The following LYPLAL1 variants were observed in gnomAD, a reference collection of about 807,000 sequenced individuals.
LYPLAL1 encodes the protein lysophospholipase like 1, also known as lysophospholipase-like protein 1.
In LYPLAL1, 23 loss-of-function variants were observed where a neutral mutation model predicts 19.7. That is an observed-to-expected ratio of 1.17 (90% CI 0.84 to 1.65). The LOEUF (loss-of-function observed/expected upper bound fraction) is 1.65, where lower values mean the gene tolerates loss of function less well. LYPLAL1 is among the 40% of genes most tolerant of loss of function. The pLI is 0.00. For synonymous variants in LYPLAL1, 119 were observed against 96.3 expected (o/e 1.24, Z -1.38); for missense variants, 355 against 279.4 (o/e 1.27, Z -1.93).
At chr1:219,342,654 A>T in the LYPLAL1 span, among the ~76,000 whole-genome samples, 1 of 152,290 alleles carries the variant, frequency 6.6e-6, no homozygotes, top group South Asian at 2.1e-4. Context: ...TGCTTTAAAA[A>T]AATTCCTCTT....
At chr1:219,353,020 A>G in the LYPLAL1 span, among the ~76,000 whole-genome samples, 1 of 152,258 alleles carries the variant, frequency 6.6e-6, no homozygotes, top group South Asian at 2.1e-4. Flanking sequence ...TCCTGCTGCA[A>G]GCAGCTACAA....
At chr1:219,347,928 A>G in the LYPLAL1 span, among the ~76,000 whole-genome samples, 1 of 152,156 alleles carries the variant, frequency 6.6e-6, no homozygotes, top group Non-Finnish European at 1.5e-5. Context: ...AGCTTAAAAT[A>G]TGTTCCTTGG....
the LYPLAL1 span, among the ~76,000 whole-genome samples, chr1:219,387,023 T>C: frequency 2.0e-5 from 3 of 152,210 alleles, no homozygotes; most frequent in African/African-American, 7.2e-5. Flanking sequence ...CTGCTTTAAA[T>C]CTTTGATGAC....
chr1:219,419,445 C>G, the LYPLAL1 span, among the ~76,000 whole-genome samples: 2 of 151,874 alleles, frequency 1.3e-5, no homozygotes, highest in Non-Finnish European at 2.9e-5. Context: ...CCTCCTCTTC[C>G]TGATTATTGA....
the LYPLAL1 span, among the ~76,000 whole-genome samples, chr1:219,241,471 G>A: frequency 6.6e-6 from 1 of 151,870 alleles, no homozygotes; most frequent in African/African-American, 2.4e-5. Flanking sequence ...CTAGAATTTG[G>A]GCATGAGCTT....
chr1:219,426,311 G>A, the LYPLAL1 span, among the ~76,000 whole-genome samples: 1 of 152,100 alleles, frequency 6.6e-6, no homozygotes, highest in Non-Finnish European at 1.5e-5. Flanking sequence ...TTTTTTTAAT[G>A]TTCTTCTCAC....
chr1:219,204,174 A>G (rs1033157685), intron 3 of LYPLAL1, among the ~76,000 whole-genome samples: 2 of 152,200 alleles, frequency 1.3e-5, no homozygotes, highest in African/African-American at 2.4e-5. Context: ...TTGTATATTT[A>G]TGTTTCATAT....
the LYPLAL1 span, chr1:219,222,347 C>T: frequency 1.3e-5 from 2 of 152,096 alleles, no homozygotes; most frequent in Non-Finnish European, 2.9e-5. Flanking sequence ...TTTGTAAACT[C>T]AATCTAAAAA....
downstream of LYPLAL1, among the ~76,000 whole-genome samples, chr1:219,213,508 A>C (rs886680493): frequency 3.3e-5 from 5 of 151,648 alleles, no homozygotes; most frequent in African/African-American, 1.2e-4. Context: ...CAATTTGGGG[A>C]GAATTTGCAT....
chr1:219,333,153 C>T, the LYPLAL1 span, among the ~76,000 whole-genome samples: 3 of 152,100 alleles, frequency 2.0e-5, no homozygotes, highest in Non-Finnish European at 2.9e-5. Flanking sequence ...TGGGACCCTT[C>T]GTATAATCCA....
chr1:219,360,640 C>T, the LYPLAL1 span, among the ~76,000 whole-genome samples: 7 of 152,052 alleles, frequency 4.6e-5, no homozygotes, highest in Non-Finnish European at 8.8e-5. Flanking sequence ...TGTGTTTGCA[C>T]ATATGCACAT....
the LYPLAL1 span, among the ~76,000 whole-genome samples, chr1:219,398,352 A>T: frequency 6.6e-6 from 1 of 152,112 alleles, no homozygotes; most frequent in African/African-American, 2.4e-5. Context: ...TCTGCTACTA[A>T]TACTTGTGAT....
the LYPLAL1 span, among the ~76,000 whole-genome samples, chr1:219,256,265 G>A: frequency 6.6e-6 from 1 of 151,774 alleles, no homozygotes; most frequent in African/African-American, 2.4e-5. Flanking sequence ...ATTTATCCTT[G>A]AATTAGTGCC....
the LYPLAL1 span, among the ~76,000 whole-genome samples, chr1:219,314,814 G>A: frequency 5.9e-5 from 9 of 152,164 alleles, no homozygotes; most frequent in African/African-American, 1.7e-4. Context: ...ATCCATTAAC[G>A]CAAAGATTTT....
the LYPLAL1 span, among the ~76,000 whole-genome samples, chr1:219,278,209 A>G: frequency 6.6e-6 from 1 of 151,974 alleles, no homozygotes; most frequent in Non-Finnish European, 1.5e-5. Context: ...CTACCCCTGG[A>G]CTCTTTTCCA....
intron 3 of LYPLAL1, chr1:219,198,855 G>C (rs945275048): frequency 1.3e-5 from 2 of 151,974 alleles, no homozygotes; most frequent in Non-Finnish European, 2.9e-5. Context: ...ATTTTTCCTG[G>C]TTCCCATACC....
At chr1:219,316,467 A>C in the LYPLAL1 span, among the ~76,000 whole-genome samples, 1 of 152,132 alleles carries the variant, frequency 6.6e-6, no homozygotes, top group African/African-American at 2.4e-5. Flanking sequence ...GATGAGTGGA[A>C]AGTGTTCTTT....
At chr1:219,241,113 T>TCC in the LYPLAL1 span, among the ~76,000 whole-genome samples, 1 of 88,290 alleles carries the variant, frequency 1.1e-5, no homozygotes, top group Admixed American at 1.5e-4. Flanking sequence ...TCTCTCTCTC[T>TCC]CTCTCTCTCT....
chr1:219,351,901 G>T, the LYPLAL1 span, among the ~76,000 whole-genome samples: 2 of 152,204 alleles, frequency 1.3e-5, no homozygotes, highest in Non-Finnish European at 2.9e-5. Flanking sequence ...TCATGTAGAT[G>T]GCAAAAAGTC....
Sources: gnomAD v4.1 joint callset for allele counts (sites outside exome capture counted in the v4.1 genomes callset) on GRCh38, gnomAD v4.1.1 for gene constraint, MANE v1.5 for transcripts, NCBI Gene and HGNC (gene_info 2026-07-23, HGNC 2026-07-21) for gene names.